KIRREL1: variants seen among roughly 807,000 people sequenced by gnomAD.
The protein encoded by KIRREL1 is kin of IRRE-like protein 1.
A neutral mutation model predicts 83.3 loss-of-function variants in KIRREL1; 25 were observed. The ratio of observed to expected loss-of-function variants is 0.30; its 90% confidence interval spans 0.22 to 0.42. The LOEUF (loss-of-function observed/expected upper bound fraction) is 0.42. KIRREL1 is among the 10% of genes least tolerant of loss of function. The pLI is 1.00. For missense variants in KIRREL1, 812 were observed against 1,032.3 expected, an observed-to-expected ratio of 0.79 and a Z score of 2.92; for synonymous variants, 388 against 410.4, an observed-to-expected ratio of 0.95 and a Z score of 0.66.
At chr1:157,995,068 T>C (rs1659157616) in intron 1 of KIRREL1, among the ~76,000 whole-genome samples, 1 of 152,184 alleles carries the variant, frequency 6.6e-6, no homozygotes. Flanking sequence ...GGAGGTGTCC[T>C]CTTTTAGGGG....
intron 1 of KIRREL1, among the ~76,000 whole-genome samples, chr1:158,055,766 C>T (rs1202255837): frequency 6.6e-6 from 1 of 152,244 alleles, no homozygotes; most frequent in Non-Finnish European, 1.5e-5. Context: ...GATATCTATG[C>T]ACCCTGTAGA....
At chr1:158,074,130 C>T (rs879367275) in intron 1 of KIRREL1, among the ~76,000 whole-genome samples, 1 of 152,176 alleles carries the variant, frequency 6.6e-6, no homozygotes, top group Non-Finnish European at 1.5e-5. Context: ...CCCACCCCTC[C>T]CCCAGGATCT....
intron 1 of KIRREL1, among the ~76,000 whole-genome samples, chr1:158,000,948 T>A (rs1659344274): frequency 6.6e-6 from 1 of 152,204 alleles, no homozygotes; most frequent in African/African-American, 2.4e-5. Context: ...AATCTGGCTC[T>A]GGAAGGTGAT....
intron 1 of KIRREL1, among the ~76,000 whole-genome samples, chr1:158,017,247 C>T (rs1659854053): frequency 6.6e-6 from 1 of 152,184 alleles, no homozygotes; most frequent in African/African-American, 2.4e-5. Context: ...CTCAAGGGCT[C>T]TCTTCCTCTC....
At chr1:158,074,642 C>T (rs1661616878) in intron 1 of KIRREL1, among the ~76,000 whole-genome samples, 2 of 152,096 alleles carry the variant, frequency 1.3e-5, no homozygotes, top group African/African-American at 2.4e-5. Context: ...TTATATTTGC[C>T]CAAGAGGCCA....
rs1188221336 is a variant in KIRREL1, at chr1:158,029,212, T to TG, written c.52+35484_52+35485insG. On this transcript the variant is annotated intron_variant, in intron 1 of 14. Coordinates refer to ENST00000359209, the MANE Select transcript of KIRREL1 (RefSeq NM_018240.7). ...ACTGTGCAAGGCAAGGGTAAGCGCA[T>TG]TCAGGCATAAGACAGAAGGAATAAC... 1.6e-3 allele frequency among the ~76,000 whole-genome samples: 4 copies of TG among 2,578 alleles called. No individual in the cohort carries two copies. The Non-Finnish European group carries it at 0.026, about 17-fold the overall frequency. The allele number at this position is 2,578 out of a possible 152,430, so 1.7% of individuals were successfully genotyped here.
intron 1 of KIRREL1, among the ~76,000 whole-genome samples, chr1:158,061,035 C>T (rs1570964301): frequency 6.6e-6 from 1 of 152,090 alleles, no homozygotes; most frequent in South Asian, 2.1e-4. Context: ...CGGAGGCTTC[C>T]CTGTGCCCTG....
At chr1:158,026,608 C>T (rs1299118619) in intron 1 of KIRREL1, among the ~76,000 whole-genome samples, 1 of 152,196 alleles carries the variant, frequency 6.6e-6, no homozygotes, top group African/African-American at 2.4e-5. Context: ...ATTAGCTAAC[C>T]AAGTGCCAGA....
intron 3 of KIRREL1, among the ~76,000 whole-genome samples, chr1:158,082,300 T>G (rs2101632195): frequency 6.6e-6 from 1 of 152,266 alleles, no homozygotes; most frequent in African/African-American, 2.4e-5. Context: ...AGTATGGTTA[T>G]GTCTTGGTTT....
At chr1:158,066,279 T>C (rs1284357669) in intron 1 of KIRREL1, among the ~76,000 whole-genome samples, 2 of 151,784 alleles carry the variant, frequency 1.3e-5, no homozygotes, top group Non-Finnish European at 2.9e-5. Context: ...CTACCTCCAG[T>C]CATCATTCTA....
At chr1:158,017,889 GAAA>G (rs10718985) in intron 1 of KIRREL1, among the ~76,000 whole-genome samples, 1 of 148,186 alleles carries the variant, frequency 6.7e-6, no homozygotes, top group African/African-American at 2.5e-5. Flanking sequence ...GAGGGGAAAA[GAAA>G]AAAAAAAAGA....
chr1:158,035,593 A>C (rs2101679307), intron 1 of KIRREL1, among the ~76,000 whole-genome samples: 1 of 152,322 alleles, frequency 6.6e-6, no homozygotes, highest in Admixed American at 6.5e-5. Context: ...CTGTTAAATA[A>C]GAATTACTCA....
At chr1:158,031,838 C>T (rs974517771) in intron 1 of KIRREL1, among the ~76,000 whole-genome samples, 5 of 152,194 alleles carry the variant, frequency 3.3e-5, no homozygotes, top group African/African-American at 1.2e-4. Context: ...AATCCCAGCA[C>T]TTTGGGAGGC....
At chr1:158,087,610 CAG>C (rs1558016732) in intron 5 of KIRREL1, 143 bp from the exon 6 acceptor site, 3 of 593,962 alleles carry the variant, frequency 5.1e-6, no homozygotes, top group South Asian at 2.3e-5. Flanking sequence ...GTGAGGAAGA[CAG>C]TGTGTTAACT....
chr1:158,012,017 T>A (rs746753085), intron 1 of KIRREL1, among the ~76,000 whole-genome samples: 7 of 152,114 alleles, frequency 4.6e-5, no homozygotes, highest in Non-Finnish European at 8.8e-5. Flanking sequence ...CCCCTCCCAC[T>A]TTCCCTCAAA....
At chr1:158,029,363 GTGTGCA>G (rs1282228686) in intron 1 of KIRREL1, among the ~76,000 whole-genome samples, 6 of 148,710 alleles carry the variant, frequency 4.0e-5, no homozygotes, top group African/African-American at 7.5e-5. Context: ...GTGTGTGTGT[GTGTGCA>G]CGTGCGCGCG....
At chr1:158,000,435 G>A (rs970682272) in intron 1 of KIRREL1, among the ~76,000 whole-genome samples, 13 of 152,196 alleles carry the variant, frequency 8.5e-5, no homozygotes, top group African/African-American at 1.7e-4. Flanking sequence ...AAACTGTGAA[G>A]TTATGAAAGT....
Position 158,096,915 on chromosome 1 carries a change from G to A in KIRREL1, c.*1795G>A, listed in dbSNP as rs986286536. ...TCATAATTCATGTTCGCTTTAATGA[G>A]TTACATGCTTATCAGCCACAGGCCA... On this transcript the variant is annotated 3_prime_UTR_variant, in exon 15 of 15. Coordinates refer to ENST00000359209, the MANE Select transcript of KIRREL1 (RefSeq NM_018240.7). 1.1e-5 allele frequency: 5 copies of A among 456,664 alleles called. No individual in the cohort carries two copies. The highest frequency in any genetic ancestry group is 2.2e-5 in the Non-Finnish European group (5 of 227,008). 28.3% of individuals were successfully genotyped at this position (456,664 alleles called of 1,614,324 possible).
intron 1 of KIRREL1, among the ~76,000 whole-genome samples, chr1:158,006,923 C>T (rs1659534042): frequency 6.6e-6 from 1 of 152,238 alleles, no homozygotes; most frequent in African/African-American, 2.4e-5. Context: ...CTTGGAATCA[C>T]TCAGAAGTGT....
Sources: gnomAD v4.1 joint callset for allele counts (sites outside exome capture counted in the v4.1 genomes callset) on GRCh38, gnomAD v4.1.1 for gene constraint, MANE v1.5 for transcripts, NCBI Gene and HGNC (gene_info 2026-07-23, HGNC 2026-07-21) for gene names.